Variants in C14orf93 observed in about 807,000 individuals in gnomAD.
The protein encoded by C14orf93 is uncharacterized protein C14orf93.
C14orf93 carries 23 observed loss-of-function variants against 44.0 expected under a neutral mutation model. The ratio of observed to expected loss-of-function variants is 0.52; its 90% CI spans 0.38 to 0.74. C14orf93 has a LOEUF of 0.74. C14orf93 is among the 30% of genes least tolerant of loss of function. The probability of loss-of-function intolerance (pLI) is 0.00; values close to 1 mark genes in which losing one functional copy is unlikely to be tolerated. For missense variants in C14orf93, 579 were observed against 678.9 expected, an observed-to-expected ratio of 0.85 and a Z score of 1.64; for synonymous variants, 253 against 265.7, an observed-to-expected ratio of 0.95 and a Z score of 0.46.
intron 3 of C14orf93, among the ~76,000 whole-genome samples, chr14:22,990,531 G>A (rs191204854): frequency 2.1e-4 from 31 of 148,688 alleles, no homozygotes; most frequent in Non-Finnish European, 3.1e-4. Context: ...GTGCAGTGGC[G>A]CGATCTCGGC....
chr14:23,000,492 G>A lies in C14orf93; in HGVS notation c.-379-1090C>T, dbSNP rs931363916. ...GCACTGTGGAAGGCTGAGGTGGGCC[G>A]ATCACCTGAGGTCAGGAGTTTGAGA... On this transcript the variant is annotated intron_variant, in intron 1 of 6. Transcript: ENST00000299088. 6.6e-5 allele frequency among the ~76,000 whole-genome samples: 10 copies of A among 152,156 alleles called. No homozygotes were observed. The South Asian group carries it at 1.0e-3, about 16-fold the overall frequency.
At chr14:22,998,096 T>A (rs2046097773) in intron 2 of C14orf93, 2 of 286,432 alleles carry the variant, frequency 7.0e-6, no homozygotes, top group Non-Finnish European at 6.5e-6. Flanking sequence ...GAGCCGTCTG[T>A]GCACGGCAGG....
chr14:22,987,380 T>C lies in C14orf93; in HGVS notation c.1452A>G (p.Glu484=). ...AAAGTTCTGGTGGAAGGAGCTGGGC[T>C]TCAGCAGAAGGCAGTCTGTCTGAGG... The part of the protein sequence containing the change: ...GPPSDRLPSA[E]AQLLPPELYN... Residue 484 remains glutamate, a synonymous_variant, in exon 7 of 7, where the codon GAA becomes GAG. Transcript: ENST00000299088. This position sits in a 1 kb window ranked among gnomAD's most constrained non-coding sequence, Gnocchi z 5.6. 1 of 1,614,258 alleles carries C rather than the reference T, an allele frequency of 6.2e-7. No individual in the cohort carries two copies. The highest frequency in any genetic ancestry group is 2.2e-5 in the East Asian group (1 of 44,890).
chr14:23,004,283 T>C (rs1432284096), intron 1 of C14orf93, among the ~76,000 whole-genome samples: 1 of 151,328 alleles, frequency 6.6e-6, no homozygotes, highest in Non-Finnish European at 1.5e-5. Context: ...CGATTTCGGC[T>C]CACTGCAACT....
Position 22,996,223 on chromosome 14 carries a change from G to T in C14orf93, c.643C>A (p.Leu215Met). 1 of 1,603,630 alleles carries T rather than the reference G, an allele frequency of 6.2e-7. No individual in the cohort carries two copies. The highest frequency in any genetic ancestry group is 1.7e-4 in the Middle Eastern group (1 of 6,026). ...VASEGAVQRV[L>M]VPAYAKQLSP... is the part of the protein sequence containing the mutation. ...AGTTGCTTGGCATAAGCAGGGACCAGAACTCGCTGTACTGCACCCTCAGAG... is the reference window on the plus strand; with the variant it reads ...AGTTGCTTGGCATAAGCAGGGACCATAACTCGCTGTACTGCACCCTCAGAG... The change falls in exon 3 of 7, where the codon CTG becomes ATG. Residue 215 changes from leucine (L) to methionine (M), a missense_variant. Transcript: ENST00000299088. This position sits in a 1 kb window ranked among gnomAD's most constrained non-coding sequence, Gnocchi z 4.1.
At chr14:22,993,170 G>A (rs2045767183) in intron 3 of C14orf93, among the ~76,000 whole-genome samples, 2 of 152,174 alleles carry the variant, frequency 1.3e-5, no homozygotes, top group African/African-American at 2.4e-5. Context: ...GTGAGCCACC[G>A]CACCCGGCCC....
intron 1 of C14orf93, chr14:23,000,244 T>C (rs1016025593): frequency 6.6e-6 from 1 of 152,140 alleles, no homozygotes; most frequent in Non-Finnish European, 1.5e-5. Flanking sequence ...GTAAAGAAGT[T>C]GATTTGTACC....
chr14:22,995,536 T>G (rs2045915110), intron 3 of C14orf93, among the ~76,000 whole-genome samples: 1 of 151,506 alleles, frequency 6.6e-6, no homozygotes, highest in African/African-American at 2.4e-5. Context: ...AAAAATTAGC[T>G]GGGGGTGGTG....
In C14orf93 at chr14:22,996,031, A is replaced by G; in HGVS notation, c.835T>C (p.Ser279Pro). Residue 279 changes from serine to proline, a missense_variant, in exon 3 of 7, where the codon TCT becomes CCT. Transcript: ENST00000299088. The surrounding 1 kb of genome is among the most constrained non-coding windows in gnomAD (Gnocchi z 4.1). ...GPGSTGELRH[S>P]LGLTVSPCRT... is the part of the protein sequence containing the mutation. ...CATGGGGAAACGGTCAGCCCTAGAGAGTGTCTCAGCTCCCCAGTGCTCCCA... is the reference window on the plus strand; with the variant it reads ...CATGGGGAAACGGTCAGCCCTAGAGGGTGTCTCAGCTCCCCAGTGCTCCCA... 1 of 1,614,022 alleles carries G rather than the reference A, an allele frequency of 6.2e-7. No individual in the cohort carries two copies. Among genetic ancestry groups the G allele is most frequent in the Non-Finnish European group, 8.5e-7 (1 of 1,179,992 alleles).
intron 1 of C14orf93, among the ~76,000 whole-genome samples, chr14:23,000,714 C>CAAAAA (rs758471653): frequency 5.4e-5 from 3 of 55,086 alleles, no homozygotes; most frequent in African/African-American, 6.5e-5. Context: ...GACTCCACCT[C>CAAAAA]AAAAAAAAAA....
intron 1 of C14orf93, chr14:23,005,498 A>G (rs924589309): frequency 6.6e-6 from 1 of 152,204 alleles, no homozygotes; most frequent in African/African-American, 2.4e-5. Flanking sequence ...AGACACCAGT[A>G]TATTAGAGAA....
intron 1 of C14orf93, chr14:23,007,064 C>G (rs2046654062): frequency 6.6e-6 from 1 of 152,282 alleles, no homozygotes; most frequent in Non-Finnish European, 1.5e-5. Flanking sequence ...GTGCCTGGCG[C>G]TACCGCACGG....
chr14:23,009,885 G>T (rs1274597541), intron 1 of C14orf93: 2 of 152,056 alleles, frequency 1.3e-5, no homozygotes, highest in Non-Finnish European at 2.9e-5. Context: ...GGCCGGAAAC[G>T]GTTGTACACG....
chr14:23,003,896 ATATTTTTTTTTTT>A (rs1197640029), intron 1 of C14orf93, among the ~76,000 whole-genome samples: 4 of 10,248 alleles, frequency 3.9e-4, no homozygotes, highest in Non-Finnish European at 5.6e-4. Flanking sequence ...ATATATATAT[ATATTTTTTTTTTT>A]TTTTTTTTTT....
At position 22,985,899 on chromosome 14, in the gene C14orf93, T is replaced by C. The variant is rs2045212085; in HGVS notation, c.*1316A>G. Reference sequence around the variant, plus strand: ...AATCCTAAGTCGAACCATCGTTGAGTTGGGGACTGCCTGTAGGCAAAACCT... The same window carrying C: ...AATCCTAAGTCGAACCATCGTTGAGCTGGGGACTGCCTGTAGGCAAAACCT... On this transcript the variant is annotated 3_prime_UTR_variant, in exon 7 of 7. Transcript: ENST00000299088. 1.3e-5 allele frequency: 2 copies of C among 152,224 alleles called. No homozygotes were observed. Among genetic ancestry groups the C allele is most frequent in the Non-Finnish European group, 2.9e-5 (2 of 68,048 alleles). The allele number at this position is 152,224 out of a possible 1,614,324, so 9.4% of individuals were successfully genotyped here.
At chr14:23,008,496 G>A (rs1326081902) in intron 1 of C14orf93, among the ~76,000 whole-genome samples, 1 of 152,100 alleles carries the variant, frequency 6.6e-6, no homozygotes, top group African/African-American at 2.4e-5. Flanking sequence ...TTGTTGTAAT[G>A]AAATTTAAAT....
intron 5 of C14orf93, among the ~76,000 whole-genome samples, chr14:22,988,895 C>A (rs2045411578): frequency 6.6e-6 from 1 of 152,084 alleles, no homozygotes; most frequent in South Asian, 2.1e-4. Context: ...TGAGACCAGC[C>A]TGGGCAACAT....
intron 1 of C14orf93, among the ~76,000 whole-genome samples, chr14:23,001,963 A>G (rs1024443500): frequency 2.0e-5 from 3 of 151,340 alleles, no homozygotes; most frequent in Non-Finnish European, 2.9e-5. Context: ...CCTGGCTAAC[A>G]CAGTGAAACC....
At chr14:23,006,418 C>A (rs2046621106) in intron 1 of C14orf93, 1 of 152,176 alleles carries the variant, frequency 6.6e-6, no homozygotes, top group African/African-American at 2.4e-5. Context: ...ACCCAGAAGG[C>A]CGAATGCGGT....
Sources: gnomAD v4.1 joint callset for allele counts (sites outside exome capture counted in the v4.1 genomes callset) on GRCh38, gnomAD v4.1.1 for gene constraint, Gnocchi (gnomAD v3.1) non-coding constraint, MANE v1.5 for transcripts, NCBI Gene and HGNC (gene_info 2026-07-23, HGNC 2026-07-21) for gene names.